Variants in COL27A1 observed in about 807,000 individuals in gnomAD.
The protein encoded by COL27A1 is collagen type XXVII alpha 1 chain, also known as collagen alpha-1(XXVII) chain.
Under a neutral mutation model 251.3 loss-of-function variants are expected in COL27A1, and 106 were observed. That is an observed-to-expected ratio of 0.42 (90% CI 0.36 to 0.50). The LOEUF (loss-of-function observed/expected upper bound fraction) is 0.50, where lower values mean the gene tolerates loss of function less well. COL27A1 is among the 20% of genes least tolerant of loss of function. The probability of loss-of-function intolerance (pLI) is 0.00; values close to 1 mark genes in which losing one functional copy is unlikely to be tolerated. For synonymous variants in COL27A1, 1,000 were observed against 986.3 expected, an observed-to-expected ratio of 1.01 and a Z score of -0.26; for missense variants, 2,325 against 2,522.8, an observed-to-expected ratio of 0.92 and a Z score of 1.68.
chr9:114,244,621 C>A (rs2135494618), intron 23 of COL27A1, among the ~76,000 whole-genome samples: 1 of 152,296 alleles, frequency 6.6e-6, no homozygotes, highest in South Asian at 2.1e-4. Context: ...GGGGAAATGG[C>A]CCACTTATCT....
chr9:114,240,008 A>C (rs1009038755), intron 19 of COL27A1, among the ~76,000 whole-genome samples: 1 of 152,150 alleles, frequency 6.6e-6, no homozygotes, highest in Non-Finnish European at 1.5e-5. Flanking sequence ...CGTCCGGTGT[A>C]TTGTCTCAGC....
chr9:114,302,326 T>C (rs1828706679), intron 56 of COL27A1, among the ~76,000 whole-genome samples: 1 of 152,200 alleles, frequency 6.6e-6, no homozygotes, highest in Admixed American at 6.5e-5. Flanking sequence ...GAGTTGCCTC[T>C]GACTGAATCC....
intron 12 of COL27A1, among the ~76,000 whole-genome samples, chr9:114,219,095 G>A (rs1344572665): frequency 6.6e-6 from 1 of 152,070 alleles, no homozygotes; most frequent in Non-Finnish European, 1.5e-5. Flanking sequence ...CCCGGCCCCC[G>A]AAGGCGTCCT....
intron 5 of COL27A1, among the ~76,000 whole-genome samples, chr9:114,193,257 A>G (rs569370252): frequency 6.2e-4 from 95 of 152,242 alleles, no homozygotes; most frequent in African/African-American, 2.2e-3. Flanking sequence ...CTGTTTCCTG[A>G]GTCATCTGAT....
intron 24 of COL27A1, among the ~76,000 whole-genome samples, chr9:114,248,202 A>G (rs1261577627): frequency 3.3e-5 from 5 of 152,170 alleles, no homozygotes; most frequent in Non-Finnish European, 5.9e-5. Context: ...GCCTGTCTCT[A>G]ACAGAGCACA....
rs1197053246 is a variant in COL27A1, at chr9:114,287,104, AC to A, written c.3988-1347del. ...AGAAGGAATCCCCGCTCCTTGGGCC[AC>A]CCCTCTAGACCTCAGGCCAAGTCCC... On this transcript the variant is annotated intron_variant, in intron 41 of 60. Coordinates refer to ENST00000356083, the MANE Select transcript of COL27A1 (RefSeq NM_032888.4). 4.6e-5 allele frequency among the ~76,000 whole-genome samples: 7 copies of A among 152,132 alleles called. No homozygotes were observed. In the East Asian group the frequency reaches 1.4e-3, roughly 29 times the overall value.
intron 16 of COL27A1, among the ~76,000 whole-genome samples, chr9:114,235,187 A>C (rs1240131216): frequency 6.6e-6 from 1 of 152,082 alleles, no homozygotes; most frequent in African/African-American, 2.4e-5. Flanking sequence ...AGCAGACACA[A>C]ACGCTCCGAA....
At position 114,167,964 on chromosome 9, in the gene COL27A1, G is replaced by A. The variant is rs754511035; in HGVS notation, c.409G>A (p.Val137Ile). 1.3e-5 allele frequency: 21 copies of A among 1,607,028 alleles called. No individual in the cohort carries two copies. Among genetic ancestry groups the A allele is most frequent in the East Asian group, 6.7e-5 (3 of 44,844 alleles). Residue 137 changes from valine to isoleucine, a missense_variant, in exon 3 of 61, where the codon GTC (valine) becomes ATC (isoleucine). Physicochemically the swap from Val to Ile is conservative, Grantham distance 29. Coordinates refer to ENST00000356083, the MANE Select transcript of COL27A1 (RefSeq NM_032888.4). ...GLQFLPGKTV[V>I]HLGSRRSVAF... is the part of the protein sequence containing the mutation. Reference sequence around the variant, plus strand: ...GCAGTTCCTCCCCGGCAAGACGGTCGTCCACCTCGGGTCCCGGCGCTCAGT... The same window carrying A: ...GCAGTTCCTCCCCGGCAAGACGGTCATCCACCTCGGGTCCCGGCGCTCAGT...
chr9:114,271,055 A>C, intron 36 of COL27A1: 1 of 463,920 alleles, frequency 2.2e-6, no homozygotes, highest in Non-Finnish European at 3.8e-6. Flanking sequence ...CTCTTGGCTA[A>C]GGGTGATTCC....
At chr9:114,289,015 C>A (rs372384979) in intron 44 of COL27A1, 48 bp downstream of exon 44, 49 of 1,593,816 alleles carry the variant, frequency 3.1e-5, no homozygotes, top group Non-Finnish European at 3.5e-5. Context: ...CTGAGTGGGG[C>A]GGAGCAGTGG....
rs1249739 is a variant in COL27A1, at chr9:114,290,347, C to T, written c.4368+16C>T. 5.2e-3 allele frequency: 8,149 copies of T among 1,555,144 alleles called. 364 individuals carry two copies. In the African/African-American group the frequency reaches 0.098, roughly 19 times the overall value. On this transcript the variant is annotated intron_variant, in intron 47 of 60. Transcript: ENST00000356083. The surrounding 1 kb of genome is among the most constrained non-coding windows in gnomAD (Gnocchi z 4.6). The stretch of plus-strand genomic sequence containing the variant: ...AGGACAGCAGGTGAGCGGGAATTGG[C>T]ATTAACAGATGGTGGCTCCATTTGG...
At chr9:114,188,534 CTGTG>C (rs1001988229) in intron 5 of COL27A1, among the ~76,000 whole-genome samples, 7 of 151,804 alleles carry the variant, frequency 4.6e-5, no homozygotes, top group Non-Finnish European at 1.0e-4. Flanking sequence ...GAGGATTAAA[CTGTG>C]TGTGTGTGTA....
In COL27A1 at chr9:114,282,526, C is replaced by G; in HGVS notation, c.3841C>G (p.Pro1281Ala). 1 of 1,561,326 alleles carries G rather than the reference C, an allele frequency of 6.4e-7. No homozygotes were observed. The highest frequency in any genetic ancestry group is 2.4e-5 in the East Asian group (1 of 42,528). The change falls in exon 39 of 61, where the codon CCA becomes GCA. Residue 1281 changes from proline (P) to alanine (A), a missense_variant. By Grantham distance (27) the Pro-to-Ala change is conservative. Coordinates refer to ENST00000356083, the MANE Select transcript of COL27A1 (RefSeq NM_032888.4). ...TGGAGACCCTGGACCCCCTGGCACT[C>G]CAGGCCCTAAAGGGTCCCGGGGCAG... ...VPGDPGPPGT[P>A]GPKGSRGSLG...
At chr9:114,262,261 T>A (rs1564539791) in intron 28 of COL27A1, among the ~76,000 whole-genome samples, 1 of 152,166 alleles carries the variant, frequency 6.6e-6, no homozygotes, top group East Asian at 1.9e-4. Context: ...CACGTGAGCC[T>A]GAGACTGAGG....
chr9:114,256,439 G>A (rs1434441393), intron 27 of COL27A1, among the ~76,000 whole-genome samples: 2 of 152,218 alleles, frequency 1.3e-5, no homozygotes, highest in African/African-American at 2.4e-5. Flanking sequence ...CTTGCAGTGA[G>A]CCAAGATAGC....
chr9:114,212,219 G>T (rs1021691721), intron 12 of COL27A1, among the ~76,000 whole-genome samples: 2 of 152,238 alleles, frequency 1.3e-5, no homozygotes, highest in African/African-American at 4.8e-5. Flanking sequence ...TGGGCAAGGA[G>T]CAGCACCTGA....
In COL27A1 at chr9:114,182,949, G is replaced by A. The variant is rs1047060786; in HGVS notation, c.1963-73G>A. On this transcript the variant is annotated intron_variant, in intron 4 of 60. Transcript: ENST00000356083. The stretch of plus-strand genomic sequence containing the variant: ...CCAGTGGGTGGAGGGAAGGTGCCAG[G>A]CATTGCTGTCAGAGGCGAGATGGCC... 30 of 1,265,280 alleles carry A rather than the reference G, an allele frequency of 2.4e-5. No individual in the cohort carries two copies. In the Admixed American group the frequency reaches 5.0e-4, roughly 21 times the overall value. The allele number at this position is 1,265,280 out of a possible 1,614,324, so 78.4% of individuals were successfully genotyped here.
chr9:114,190,434 C>T (rs990412517), intron 5 of COL27A1, among the ~76,000 whole-genome samples: 2 of 152,164 alleles, frequency 1.3e-5, no homozygotes, highest in South Asian at 2.1e-4. Flanking sequence ...CCACACCCAG[C>T]TAAATTTTTT....
At chr9:114,251,058 G>A (rs1289830035) in intron 25 of COL27A1, among the ~76,000 whole-genome samples, 2 of 152,140 alleles carry the variant, frequency 1.3e-5, no homozygotes. Context: ...GGCTCAAATA[G>A]GGGAGGTGAC....
Sources: gnomAD v4.1 joint callset for allele counts (sites outside exome capture counted in the v4.1 genomes callset) on GRCh38, gnomAD v4.1.1 for gene constraint, Gnocchi (gnomAD v3.1) non-coding constraint, MANE v1.5 for transcripts, NCBI Gene and HGNC (gene_info 2026-07-23, HGNC 2026-07-21) for gene names.